CENPP: variants seen among roughly 807,000 people sequenced by gnomAD.
The protein encoded by CENPP is centromere protein P.
A neutral mutation model predicts 35.6 loss-of-function variants in CENPP; 24 were observed. That is an observed-to-expected ratio of 0.67 (90% CI 0.49 to 0.95). The LOEUF (loss-of-function observed/expected upper bound fraction) is 0.95, where lower values mean the gene tolerates loss of function less well. CENPP is among the 40% of genes least tolerant of loss of function. CENPP has a pLI of 0.00. For synonymous variants in CENPP, 120 were observed against 125.5 expected, an observed-to-expected ratio of 0.96 and a Z score of 0.29; for missense variants, 332 against 345.3, an observed-to-expected ratio of 0.96 and a Z score of 0.31.
chr9:92,474,231 A>G (rs1845627717), intron 5 of CENPP, among the ~76,000 whole-genome samples: 1 of 152,240 alleles, frequency 6.6e-6, no homozygotes, highest in Admixed American at 6.5e-5. Flanking sequence ...CAAGCTTTCT[A>G]TAACTCATTT....
At chr9:92,375,571 C>T (rs184904945) in intron 4 of CENPP, among the ~76,000 whole-genome samples, 1 of 152,294 alleles carries the variant, frequency 6.6e-6, no homozygotes, top group East Asian at 1.9e-4. Context: ...GCTGGGATTA[C>T]AGGCGTGAGC....
chr9:92,383,628 G>A (rs1842320664), intron 5 of CENPP, among the ~76,000 whole-genome samples: 1 of 151,696 alleles, frequency 6.6e-6, no homozygotes, highest in Non-Finnish European at 1.5e-5. Context: ...AATTTGTATT[G>A]TTTATTTTGT....
rs534073305 is a variant in CENPP at position 92,585,221 on chromosome 9, G to A, written c.565-26093G>A. On this transcript the variant is annotated intron_variant, in intron 5 of 7. Transcript: ENST00000375587. ...AAAGTAAGTTTGGAGAAATGTTACA[G>A]AGGGCCTTGAGTACCACATTTTAGA... Among the ~76,000 whole-genome samples, 5 of 152,336 alleles carry A rather than the reference G, an allele frequency of 3.3e-5. No individual in the cohort carries two copies. The East Asian group carries it at 7.7e-4, about 23-fold the overall frequency.
intron 5 of CENPP, among the ~76,000 whole-genome samples, chr9:92,601,349 G>A (rs1053864936): frequency 1.3e-5 from 2 of 152,134 alleles, no homozygotes; most frequent in African/African-American, 2.4e-5. Context: ...TCAGTCGGAC[G>A]CTGTGTCAGT....
intron 5 of CENPP, among the ~76,000 whole-genome samples, chr9:92,534,884 T>C (rs1350604969): frequency 1.3e-5 from 2 of 152,194 alleles, no homozygotes; most frequent in African/African-American, 4.8e-5. Context: ...CCTTCCATCC[T>C]GTTGTGAGGA....
chr9:92,609,664 C>T (rs1851181527), intron 5 of CENPP, among the ~76,000 whole-genome samples: 1 of 152,230 alleles, frequency 6.6e-6, no homozygotes. Flanking sequence ...CGGAGCCTAC[C>T]GTGAAAGTCT....
At chr9:92,336,874 A>C (rs1367683020) in intron 2 of CENPP, among the ~76,000 whole-genome samples, 1 of 152,208 alleles carries the variant, frequency 6.6e-6, no homozygotes, top group Non-Finnish European at 1.5e-5. Context: ...AAGTTTTGAG[A>C]GATGGCAGAG....
chr9:92,399,147 G>A (rs891124043), intron 5 of CENPP, among the ~76,000 whole-genome samples: 1 of 152,014 alleles, frequency 6.6e-6, no homozygotes, highest in Non-Finnish European at 1.5e-5. Context: ...CTGTCCAAAA[G>A]CATTGTGTTG....
intron 5 of CENPP, among the ~76,000 whole-genome samples, chr9:92,598,308 C>T (rs896930347): frequency 5.3e-5 from 8 of 152,162 alleles, no homozygotes; most frequent in African/African-American, 1.9e-4. Flanking sequence ...CATGTGAGGG[C>T]GAGTTGGCCT....
intron 5 of CENPP, among the ~76,000 whole-genome samples, chr9:92,606,238 TGAGA>T (rs1851077590): frequency 6.6e-6 from 1 of 151,964 alleles, no homozygotes; most frequent in Admixed American, 6.6e-5. Context: ...CTCCAGCCTG[TGAGA>T]GAGAGTAAGA....
intron 5 of CENPP, among the ~76,000 whole-genome samples, chr9:92,498,156 A>G (rs1846464233): frequency 6.6e-6 from 1 of 152,198 alleles, no homozygotes; most frequent in Admixed American, 6.5e-5. Context: ...CCTTTTGTGT[A>G]ATAATTTGTA....
At chr9:92,409,737 A>G (rs1399702768) in intron 5 of CENPP, among the ~76,000 whole-genome samples, 2 of 152,232 alleles carry the variant, frequency 1.3e-5, no homozygotes, top group Admixed American at 6.5e-5. Context: ...ACATAACTAA[A>G]TACTTGGTAG....
At chr9:92,368,857 AGTGAGACCCT>A (rs1420759802) in intron 4 of CENPP, among the ~76,000 whole-genome samples, 2 of 152,124 alleles carry the variant, frequency 1.3e-5, no homozygotes, top group Non-Finnish European at 2.9e-5. Flanking sequence ...TTGGCAACAT[AGTGAGACCCT>A]GTCTCTACAA....
At chr9:92,595,363 T>C (rs1850754008) in intron 5 of CENPP, among the ~76,000 whole-genome samples, 1 of 152,052 alleles carries the variant, frequency 6.6e-6, no homozygotes, top group Non-Finnish European at 1.5e-5. Context: ...CACCTCAGCC[T>C]CCCATGTAGC....
chr9:92,457,577 C>T, intron 5 of CENPP: 2 of 918,430 alleles, frequency 2.2e-6, no homozygotes, highest in South Asian at 3.2e-5. Context: ...TGGGTTTATT[C>T]ATCTGTTTAT....
intron 5 of CENPP, among the ~76,000 whole-genome samples, chr9:92,595,409 T>C (rs1850755261): frequency 6.6e-6 from 1 of 151,864 alleles, no homozygotes; most frequent in Admixed American, 6.6e-5. Flanking sequence ...ACGCAGCTAA[T>C]TTTTTATTTT....
chr9:92,471,282 G>C (rs182152955), intron 5 of CENPP, among the ~76,000 whole-genome samples: 1 of 149,336 alleles, frequency 6.7e-6, no homozygotes, highest in Non-Finnish European at 1.5e-5. Flanking sequence ...CTGCAACCTC[G>C]GCCTCCCGGG....
intron 5 of CENPP, among the ~76,000 whole-genome samples, chr9:92,501,328 G>A (rs1846660645): frequency 6.6e-6 from 1 of 152,128 alleles, no homozygotes; most frequent in African/African-American, 2.4e-5. Context: ...TATCCCTAGA[G>A]GCAATACTGA....
chr9:92,459,608 C>G, intron 5 of CENPP: 3 of 1,608,758 alleles, frequency 1.9e-6, no homozygotes, highest in Middle Eastern at 2.2e-4. Context: ...CCAATATCTA[C>G]TGAACACAAG....
Sources: allele counts gnomAD v4.1 joint callset (sites outside exome capture counted in the v4.1 genomes callset), GRCh38; gene constraint gnomAD v4.1.1; transcripts MANE v1.5; gene names NCBI Gene and HGNC (gene_info 2026-07-23, HGNC 2026-07-21).